Variants in FAAH2 observed in about 807,000 individuals in gnomAD.
FAAH2 encodes the protein fatty-acid amide hydrolase 2.
FAAH2 carries 60 observed loss-of-function variants against 36.9 expected under a neutral mutation model. The observed-to-expected ratio is 1.63, with a 90% CI of 1.32 to 2.02. The LOEUF (loss-of-function observed/expected upper bound fraction) is 2.02, where lower values mean the gene tolerates loss of function less well. Among genes scored for constraint, FAAH2 ranks in the 30% most tolerant of loss-of-function variants. The pLI is 0.00. For synonymous variants in FAAH2, 214 were observed against 143.8 expected (o/e 1.49, Z -3.49); for missense variants, 689 against 397.5 (o/e 1.73, Z -6.23).
chrX:57,195,797 T>C, the FAAH2 span, among the ~76,000 whole-genome samples: 1 of 112,296 alleles, frequency 8.9e-6, no homozygotes, highest in African/African-American at 3.2e-5. Context: ...GAAATAAAGA[T>C]CCAGTTTCAT....
At chrX:57,306,853 G>GTA (rs764609841) in intron 2 of FAAH2, among the ~76,000 whole-genome samples, 25 of 87,680 alleles carry the variant, frequency 2.9e-4, no homozygotes, top group Non-Finnish European at 4.6e-4. Context: ...CTATATATGT[G>GTA]TATATATATA....
rs192486348 is a variant in FAAH2 at position 57,349,495 on chromosome X, A to G, written c.742+8105A>G. On this transcript the variant is annotated intron_variant, in intron 5 of 10. Coordinates refer to ENST00000374900, the MANE Select transcript of FAAH2 (RefSeq NM_174912.4). ...CATATATACACATATATATACACAT[A>G]TATACATATATACACATATATAATG... Among the ~76,000 whole-genome samples the G allele has an allele frequency of 5.6e-3, 577 of 102,343 alleles. 5 individuals are homozygous for G. Among genetic ancestry groups the G allele is most frequent in the African/African-American group, 0.019 (559 of 28,855 alleles). 88.9% of individuals were successfully genotyped at this position (102,343 alleles called of 115,157 possible).
the FAAH2 span, among the ~76,000 whole-genome samples, chrX:57,198,682 C>A: frequency 8.9e-6 from 1 of 112,301 alleles, no homozygotes. Flanking sequence ...TGTGTTTCGT[C>A]CCCAATTTTA....
intron 7 of FAAH2, among the ~76,000 whole-genome samples, chrX:57,391,190 T>A (rs1005270373): frequency 1.7e-4 from 19 of 111,117 alleles, no homozygotes; most frequent in Non-Finnish European, 3.8e-5. Context: ...TGTTGATTTG[T>A]TTTGGTTTCT....
At chrX:57,280,221 C>CT in the FAAH2 span, among the ~76,000 whole-genome samples, 158 of 107,987 alleles carry the variant, frequency 1.5e-3, no homozygotes, top group Non-Finnish European at 2.5e-3. Flanking sequence ...CTAAGCAGAT[C>CT]TTTTTTTTTC....
chrX:57,235,038 C>T, the FAAH2 span, among the ~76,000 whole-genome samples: 2 of 111,203 alleles, frequency 1.8e-5, no homozygotes, highest in South Asian at 7.7e-4. Flanking sequence ...ACTCTGTCTC[C>T]ATGGCCCAGG....
intron 7 of FAAH2, among the ~76,000 whole-genome samples, chrX:57,421,574 C>T (rs897241722): frequency 9.0e-6 from 1 of 111,500 alleles, no homozygotes; most frequent in African/African-American, 3.3e-5. Flanking sequence ...AGAATAAATA[C>T]CTCTATCTTC....
chrX:57,198,674 T>G, the FAAH2 span, among the ~76,000 whole-genome samples: 1 of 112,532 alleles, frequency 8.9e-6, no homozygotes, highest in South Asian at 3.6e-4. Context: ...CTTCTCCATG[T>G]GTTTCGTCCC....
chrX:57,343,994 G>T (rs1331496676), intron 5 of FAAH2, among the ~76,000 whole-genome samples: 1 of 111,026 alleles, frequency 9.0e-6, no homozygotes, highest in Non-Finnish European at 1.9e-5. Flanking sequence ...CCAGCTTCAT[G>T]TGGTTTTGGT....
chrX:57,410,897 T>G (rs1312718988), intron 7 of FAAH2, among the ~76,000 whole-genome samples: 1 of 111,933 alleles, frequency 8.9e-6, no homozygotes, highest in East Asian at 2.8e-4. Context: ...AAGTGATTAT[T>G]TTGAATTCTT....
At chrX:57,437,492 A>G (rs1282464655) in intron 8 of FAAH2, among the ~76,000 whole-genome samples, 1 of 109,843 alleles carries the variant, frequency 9.1e-6, no homozygotes, top group Non-Finnish European at 1.9e-5. Flanking sequence ...TAAAGACTCC[A>G]AAAAGAATCC....
intron 7 of FAAH2, among the ~76,000 whole-genome samples, chrX:57,402,691 T>C (rs1255658036): frequency 8.9e-6 from 1 of 111,963 alleles, no homozygotes; most frequent in Admixed American, 9.4e-5. Flanking sequence ...TCCTTTCCTG[T>C]GTTATAGTAG....
chrX:57,309,525 G>T (rs1402793364), intron 2 of FAAH2, among the ~76,000 whole-genome samples: 1 of 111,446 alleles, frequency 9.0e-6, no homozygotes, highest in Non-Finnish European at 1.9e-5. Context: ...CAAGGTAAAC[G>T]TGTACCATGA....
the FAAH2 span, among the ~76,000 whole-genome samples, chrX:57,220,667 G>A: frequency 8.9e-5 from 10 of 112,192 alleles, no homozygotes; most frequent in Non-Finnish European, 3.8e-5. Context: ...CCACGGGGCC[G>A]CAGCTCCACA....
chrX:57,190,559 G>C, the FAAH2 span, among the ~76,000 whole-genome samples: 1 of 110,427 alleles, frequency 9.1e-6, no homozygotes, highest in East Asian at 2.9e-4. Context: ...GGAATCTCTT[G>C]GTCTGTGGAT....
chrX:57,442,604 T>C (rs1304554532), intron 8 of FAAH2, among the ~76,000 whole-genome samples: 1 of 112,169 alleles, frequency 8.9e-6, no homozygotes, highest in African/African-American at 3.2e-5. Flanking sequence ...ATTTAGCCCA[T>C]TTACATTTAA....
chrX:57,188,178 A>G, the FAAH2 span, among the ~76,000 whole-genome samples: 2 of 111,261 alleles, frequency 1.8e-5, no homozygotes, highest in African/African-American at 6.5e-5. Flanking sequence ...TCAGCTTTGA[A>G]TCTGTCTGGT....
chrX:57,282,980 G>A (rs72621726), upstream of FAAH2, among the ~76,000 whole-genome samples: 1 of 112,039 alleles, frequency 8.9e-6, no homozygotes, highest in East Asian at 2.8e-4. Context: ...GGCTATGGCA[G>A]AGGGTCTTTC....
At chrX:57,271,322 GC>G in the FAAH2 span, among the ~76,000 whole-genome samples, 6 of 112,569 alleles carry the variant, frequency 5.3e-5, no homozygotes, top group Non-Finnish European at 1.1e-4. Flanking sequence ...AAAGGTAGCA[GC>G]CCCAGTCAGG....
Sources: allele counts gnomAD v4.1 joint callset (sites outside exome capture counted in the v4.1 genomes callset), GRCh38; gene constraint gnomAD v4.1.1; transcripts MANE v1.5; gene names NCBI Gene and HGNC (gene_info 2026-07-23, HGNC 2026-07-21).